Variants in GRID1 observed in about 807,000 individuals in gnomAD.
GRID1 encodes the protein glutamate ionotropic receptor delta type subunit 1, also known as glutamate receptor ionotropic, delta-1.
A neutral mutation model predicts 98.0 loss-of-function variants in GRID1; 28 were observed. The observed-to-expected ratio is 0.29, with a 90% CI of 0.21 to 0.39. GRID1 has a LOEUF of 0.39. Ranked by LOEUF, GRID1 falls within the 10% of genes least tolerant of loss-of-function variation. The pLI is 1.00. For missense variants in GRID1, 1,111 were observed against 1,340.5 expected, an observed-to-expected ratio of 0.83 and a Z score of 2.67; for synonymous variants, 553 against 538.5, an observed-to-expected ratio of 1.03 and a Z score of -0.37.
intron 4 of GRID1, among the ~76,000 whole-genome samples, chr10:86,093,935 C>A (rs1159986196): frequency 6.6e-6 from 1 of 152,082 alleles, no homozygotes; most frequent in Non-Finnish European, 1.5e-5. Context: ...AACATAGATG[C>A]TAAAATCTTA....
At chr10:86,247,570 T>C (rs1846752310) in intron 2 of GRID1, among the ~76,000 whole-genome samples, 1 of 152,028 alleles carries the variant, frequency 6.6e-6, no homozygotes, top group Non-Finnish European at 1.5e-5. Context: ...GGCTAAGCAG[T>C]CTCCAAGGGC....
At chr10:86,320,498 G>C (rs1847955142) in intron 2 of GRID1, among the ~76,000 whole-genome samples, 1 of 152,182 alleles carries the variant, frequency 6.6e-6, no homozygotes, top group South Asian at 2.1e-4. Context: ...CAGAAGGAGA[G>C]AAAGGAGAAT....
chr10:85,722,827 G>T (rs1007187785), intron 12 of GRID1, among the ~76,000 whole-genome samples, 176 bp downstream of exon 12: 3 of 152,146 alleles, frequency 2.0e-5, no homozygotes, highest in African/African-American at 7.2e-5. Flanking sequence ...ATGTAATTGT[G>T]CCTGAGATAA....
rs146197099 is a variant in GRID1 at position 85,897,522 on chromosome 10, C to T, written c.780+18664G>A. 7.0e-4 allele frequency among the ~76,000 whole-genome samples: 106 copies of T among 152,150 alleles called. No homozygotes were observed. The East Asian group carries it at 0.018, about 25-fold the overall frequency. On this transcript the variant is annotated intron_variant, in intron 5 of 15. Coordinates refer to ENST00000327946, the MANE Select transcript of GRID1 (RefSeq NM_017551.3). ...CCATAGGCATGGGGTCTCTCATGCT[C>T]GGAAAACATATCATCATGCCTGAGG...
At chr10:85,825,307 C>A (rs1842808930) in intron 8 of GRID1, among the ~76,000 whole-genome samples, 1 of 151,348 alleles carries the variant, frequency 6.6e-6, no homozygotes, top group Non-Finnish European at 1.5e-5. Context: ...AGCATTTTTT[C>A]ATGTTTGTTG....
intron 4 of GRID1, among the ~76,000 whole-genome samples, chr10:86,065,700 T>C (rs530458059): frequency 6.6e-6 from 1 of 152,350 alleles, no homozygotes; most frequent in Admixed American, 6.5e-5. Context: ...ACCCCTCTAA[T>C]TTGGAGCAGC....
chr10:85,766,200 T>C (rs538467995), intron 8 of GRID1, among the ~76,000 whole-genome samples: 5 of 152,298 alleles, frequency 3.3e-5, no homozygotes, highest in African/African-American at 1.2e-4. Flanking sequence ...AATTTGACAA[T>C]AGGGACTGGG....
At chr10:85,781,129 G>A (rs922936238) in intron 8 of GRID1, among the ~76,000 whole-genome samples, 3 of 152,168 alleles carry the variant, frequency 2.0e-5, no homozygotes, top group African/African-American at 7.2e-5. Flanking sequence ...CCAACCAGAA[G>A]GGGAAATGAA....
chr10:85,978,285 C>T (rs1034910712), intron 4 of GRID1, among the ~76,000 whole-genome samples: 2 of 152,082 alleles, frequency 1.3e-5, no homozygotes, highest in Non-Finnish European at 2.9e-5. Flanking sequence ...GGCCAAAGGA[C>T]CTAAAGCAGC....
intron 2 of GRID1, among the ~76,000 whole-genome samples, chr10:86,270,523 C>G (rs1222888034): frequency 1.3e-5 from 2 of 152,114 alleles, no homozygotes. Flanking sequence ...AGCCCTGTCT[C>G]TAGCAAAAAC....
chr10:86,021,189 G>A lies in GRID1; in HGVS notation c.727-104950C>T, dbSNP rs1286496586. 2.6e-5 allele frequency among the ~76,000 whole-genome samples: 4 copies of A among 152,280 alleles called. No homozygotes were observed. The East Asian group carries it at 5.8e-4, about 22-fold the overall frequency. On this transcript the variant is annotated intron_variant, in intron 4 of 15. Coordinates refer to ENST00000327946, the MANE Select transcript of GRID1 (RefSeq NM_017551.3). ...ATTTAAGGCCTTAATCTCCCAAATG[G>A]AAGCCAAGCAAATTTTTAAAAGGCA...
At chr10:85,944,886 A>G (rs1842036943) in intron 4 of GRID1, among the ~76,000 whole-genome samples, 1 of 152,218 alleles carries the variant, frequency 6.6e-6, no homozygotes, top group African/African-American at 2.4e-5. Context: ...TAAAATAAAA[A>G]CGATGATATA....
chr10:85,928,694 C>T (rs1444616761), intron 4 of GRID1, among the ~76,000 whole-genome samples: 2 of 152,232 alleles, frequency 1.3e-5, no homozygotes, highest in Non-Finnish European at 2.9e-5. Context: ...GAGTTATACA[C>T]ACAAACATAC....
At chr10:85,612,823 C>T (rs1174744823) in intron 15 of GRID1, among the ~76,000 whole-genome samples, 2 of 151,908 alleles carry the variant, frequency 1.3e-5, no homozygotes, top group African/African-American at 4.8e-5. Context: ...GCAGTTGGCA[C>T]ACATGGGGAG....
intron 4 of GRID1, among the ~76,000 whole-genome samples, chr10:85,953,698 C>T (rs958671221): frequency 1.3e-5 from 2 of 152,210 alleles, no homozygotes; most frequent in Non-Finnish European, 1.5e-5. Context: ...AGTGCTTAAC[C>T]ATTTCACAGT....
intron 2 of GRID1, among the ~76,000 whole-genome samples, chr10:86,337,205 A>T (rs1431064884): frequency 1.3e-5 from 2 of 152,108 alleles, no homozygotes; most frequent in Non-Finnish European, 2.9e-5. Context: ...ACCACAAGCC[A>T]GCCAGCAGGA....
intron 2 of GRID1, among the ~76,000 whole-genome samples, chr10:86,240,587 C>A (rs1366795018): frequency 2.1e-5 from 1 of 47,216 alleles, no homozygotes; most frequent in South Asian, 8.1e-4. Context: ...TGGGTGGGTG[C>A]GGCGGGGGCG....
chr10:86,247,260 G>GATGA (rs1195165701), intron 2 of GRID1, among the ~76,000 whole-genome samples: 2 of 21,038 alleles, frequency 9.5e-5, no homozygotes, highest in African/African-American at 2.2e-4. Context: ...TGGATGGATA[G>GATGA]ATGGATGGAT....
chr10:86,051,768 T>C (rs1050734923), intron 4 of GRID1, among the ~76,000 whole-genome samples: 2 of 152,106 alleles, frequency 1.3e-5, no homozygotes, highest in Non-Finnish European at 2.9e-5. Flanking sequence ...TTGGCAAAAA[T>C]CCAAAAGTTT....
Sources: allele counts gnomAD v4.1 joint callset (sites outside exome capture counted in the v4.1 genomes callset), GRCh38; gene constraint gnomAD v4.1.1; transcripts MANE v1.5; gene names NCBI Gene and HGNC (gene_info 2026-07-23, HGNC 2026-07-21).